Variants in LRRC4C observed in about 807,000 individuals in gnomAD.
LRRC4C encodes leucine rich repeat containing 4C.
In LRRC4C, 5 loss-of-function variants were observed where a neutral mutation model predicts 33.6. The observed-to-expected ratio is 0.15, with a 90% CI of 0.08 to 0.31. The LOEUF is 0.31. LRRC4C is among the 10% of genes least tolerant of loss of function. The pLI is 1.00. For missense variants in LRRC4C, 560 were observed against 796.7 expected (o/e 0.70, Z 3.58); for synonymous variants, 329 against 302.0 (o/e 1.09, Z -0.93).
chr11:40,905,976 AAAGT>A (rs1219331805), intron 2 of LRRC4C, among the ~76,000 whole-genome samples: 4 of 152,178 alleles, frequency 2.6e-5, no homozygotes, highest in African/African-American at 9.7e-5. Flanking sequence ...AATTTTTGTG[AAAGT>A]AAGACTCAAC....
intron 1 of LRRC4C, among the ~76,000 whole-genome samples, chr11:41,104,241 T>C (rs919308755): frequency 6.6e-6 from 1 of 151,866 alleles, no homozygotes; most frequent in Non-Finnish European, 1.5e-5. Context: ...AAATAACCAT[T>C]ACAACTCAAT....
chr11:41,214,190 G>A (rs1332705350), intron 1 of LRRC4C, among the ~76,000 whole-genome samples: 1 of 151,984 alleles, frequency 6.6e-6, no homozygotes, highest in Non-Finnish European at 1.5e-5. Context: ...AGAATATGAA[G>A]GACATCTTCA....
chr11:41,237,460 G>A (rs551257082), intron 1 of LRRC4C, among the ~76,000 whole-genome samples: 1 of 152,296 alleles, frequency 6.6e-6, no homozygotes, highest in East Asian at 1.9e-4. Context: ...AATACGGAAA[G>A]CGAGGGAATT....
At position 41,200,997 on chromosome 11, in the gene LRRC4C, G is replaced by A. The variant is rs368013389; in HGVS notation, c.-496+258434C>T. On this transcript the variant is annotated intron_variant, in intron 1 of 6. Transcript: ENST00000528697. ...AAACTTGTATGCATTTTATATAGCA[G>A]GCACCAAATTATTTCTCAATTTGCA... Among the ~76,000 whole-genome samples the A allele has an allele frequency of 3.9e-5, 6 of 152,076 alleles. No homozygotes were observed. The East Asian group carries it at 5.8e-4, about 15-fold the overall frequency.
At chr11:40,636,428 A>C (rs1941754488) in intron 3 of LRRC4C, among the ~76,000 whole-genome samples, 1 of 152,158 alleles carries the variant, frequency 6.6e-6, no homozygotes, top group East Asian at 1.9e-4. Flanking sequence ...CTTAGGGTAA[A>C]TATAAGCACA....
chr11:40,674,905 T>A (rs1454899173), intron 2 of LRRC4C, among the ~76,000 whole-genome samples: 1 of 152,196 alleles, frequency 6.6e-6, no homozygotes, highest in Non-Finnish European at 1.5e-5. Context: ...TTGAGTCATA[T>A]GCCCAAATTT....
At chr11:40,481,395 T>C (rs1450202642) in intron 3 of LRRC4C, among the ~76,000 whole-genome samples, 2 of 152,182 alleles carry the variant, frequency 1.3e-5, no homozygotes, top group Non-Finnish European at 2.9e-5. Flanking sequence ...TTTGATGATT[T>C]TCTAAAGAAT....
intron 1 of LRRC4C, among the ~76,000 whole-genome samples, chr11:41,347,387 G>T (rs1951838276): frequency 6.6e-6 from 1 of 152,146 alleles, no homozygotes; most frequent in South Asian, 2.1e-4. Context: ...GGAGTGAATG[G>T]ATGTCACACT....
At chr11:40,251,914 T>C (rs1017963735) in intron 4 of LRRC4C, among the ~76,000 whole-genome samples, 1 of 152,160 alleles carries the variant, frequency 6.6e-6, no homozygotes, top group Non-Finnish European at 1.5e-5. Flanking sequence ...GAGTTCAGTG[T>C]TAGGAGGTTT....
intron 1 of LRRC4C, among the ~76,000 whole-genome samples, chr11:41,284,382 G>A (rs1449728734): frequency 1.3e-5 from 2 of 152,178 alleles, no homozygotes; most frequent in Middle Eastern, 3.4e-3. Flanking sequence ...TCCTTCATAC[G>A]CTCTCACACT....
intron 1 of LRRC4C, among the ~76,000 whole-genome samples, chr11:41,114,860 T>C (rs1565396724): frequency 6.6e-6 from 1 of 152,070 alleles, no homozygotes; most frequent in African/African-American, 2.4e-5. Context: ...TAAAAAGTTG[T>C]AATAGCTTAG....
chr11:40,568,719 A>G (rs1240338618), intron 3 of LRRC4C, among the ~76,000 whole-genome samples: 1 of 152,130 alleles, frequency 6.6e-6, no homozygotes, highest in Non-Finnish European at 1.5e-5. Flanking sequence ...TCACATACCT[A>G]GAATGGAAAG....
chr11:40,452,004 C>T (rs1951909496), intron 3 of LRRC4C, among the ~76,000 whole-genome samples: 1 of 152,110 alleles, frequency 6.6e-6, no homozygotes, highest in Non-Finnish European at 1.5e-5. Context: ...GGAATCGCCT[C>T]ACCCAGGAAG....
intron 2 of LRRC4C, among the ~76,000 whole-genome samples, chr11:40,690,473 C>A (rs1474094293): frequency 2.0e-5 from 3 of 152,030 alleles, no homozygotes; most frequent in Admixed American, 6.6e-5. Context: ...GACGCAAAGA[C>A]AGGCAAGGGA....
intron 1 of LRRC4C, among the ~76,000 whole-genome samples, chr11:41,162,920 T>C (rs1944538510): frequency 6.6e-6 from 1 of 152,184 alleles, no homozygotes; most frequent in African/African-American, 2.4e-5. Context: ...GGTTTGGCAC[T>C]GTTTCCCCAC....
At chr11:40,281,456 C>G (rs771653751) in intron 4 of LRRC4C, among the ~76,000 whole-genome samples, 1 of 152,118 alleles carries the variant, frequency 6.6e-6, no homozygotes, top group Non-Finnish European at 1.5e-5. Flanking sequence ...CTCAATCTCT[C>G]TCTCTCTTTC....
At chr11:41,313,024 C>G (rs1673600312) in intron 1 of LRRC4C, among the ~76,000 whole-genome samples, 1 of 152,324 alleles carries the variant, frequency 6.6e-6, no homozygotes, top group South Asian at 2.1e-4. Context: ...CTTTACCTCT[C>G]TTTCTGATCT....
At chr11:40,766,514 A>AAAG (rs879309199) in intron 2 of LRRC4C, among the ~76,000 whole-genome samples, 5 of 151,660 alleles carry the variant, frequency 3.3e-5, no homozygotes, top group African/African-American at 1.2e-4. Context: ...ATAAGAAGAA[A>AAAG]AAGAAGAACT....
intron 1 of LRRC4C, among the ~76,000 whole-genome samples, chr11:40,966,440 C>T (rs1179606587): frequency 6.6e-6 from 1 of 151,896 alleles, no homozygotes; most frequent in Non-Finnish European, 1.5e-5. Flanking sequence ...AGGCACCTAT[C>T]TTTTATATGA....
Sources: allele counts gnomAD v4.1 joint callset (sites outside exome capture counted in the v4.1 genomes callset), GRCh38; gene constraint gnomAD v4.1.1; transcripts MANE v1.5; gene names NCBI Gene and HGNC (gene_info 2026-07-23, HGNC 2026-07-21).